The following BPTF variants were observed in gnomAD, a reference collection of about 807,000 sequenced individuals.
The protein encoded by BPTF is nucleosome-remodeling factor subunit BPTF.
BPTF carries 18 observed loss-of-function variants against 292.5 expected under a neutral mutation model. That is an observed-to-expected ratio of 0.06 (90% CI 0.04 to 0.09). The LOEUF is 0.09. BPTF is among the 10% of genes least tolerant of loss of function. The probability of loss-of-function intolerance (pLI) is 1.00; values close to 1 mark genes in which losing one functional copy is unlikely to be tolerated. For missense variants in BPTF, 2,726 were observed against 3,498.7 expected (o/e 0.78, Z 5.57); for synonymous variants, 1,225 against 1,251.9 (o/e 0.98, Z 0.45).
intron 2 of BPTF, among the ~76,000 whole-genome samples, chr17:67,859,690 C>A (rs1465088483): frequency 6.6e-6 from 1 of 152,122 alleles, no homozygotes; most frequent in African/African-American, 2.4e-5. Flanking sequence ...ATGCTTATAA[C>A]TTGGGGAGAA....
In BPTF at chr17:67,946,139, A is replaced by T; in HGVS notation, c.7431A>T (p.Gln2477His). The T allele has an allele frequency of 6.2e-7, 1 of 1,614,182 alleles. No homozygotes were observed. ...IKLQLPIQIQ[Q>H]SSAVQTHQIQ... The stretch of plus-strand genomic sequence containing the variant: ...TCCAGTTACCTATCCAAATTCAGCA[A>T]AGCAGTGCTGTGCAGACTCACCAGA... The change falls in exon 21 of 28, where the codon CAA (glutamine) becomes CAT (histidine). Residue 2477 changes from glutamine (Q) to histidine (H), a missense_variant. This residue lies in a region of BPTF where 570 missense variants were observed against 633.5 expected (regional missense o/e 0.90). Coordinates refer to ENST00000306378, the MANE Select transcript of BPTF (RefSeq NM_182641.4).
At chr17:67,946,463 G>A in intron 21 of BPTF, 138 bp downstream of exon 21, 2 of 1,309,380 alleles carry the variant, frequency 1.5e-6, no homozygotes, top group Non-Finnish European at 2.0e-6. Context: ...ACACTGAATT[G>A]ACCAAAAAAA....
intron 18 of BPTF, among the ~76,000 whole-genome samples, chr17:67,934,701 G>A (rs992421719): frequency 8.7e-5 from 13 of 150,206 alleles, no homozygotes; most frequent in Admixed American, 4.6e-4. Flanking sequence ...GTGAAACCCC[G>A]CCTGTACTAA....
chr17:67,912,241 A>G lies in BPTF; in HGVS notation c.4357A>G (p.Lys1453Glu), dbSNP rs2062704261. ...TAAAATAATCCCTGAGAATGATATT[A>G]AATCATTGACTGTTAAAGAATCTGC... ...INKIIPENDI[K>E]SLTVKESAIR... The change falls in exon 11 of 28, where the codon AAA becomes GAA. Residue 1453 changes from lysine (K) to glutamate (E), a missense_variant. By Grantham distance (56) the Lys-to-Glu change is moderately conservative (BLOSUM62 1). Transcript: ENST00000306378. 1 of 1,611,130 alleles carries G rather than the reference A, an allele frequency of 6.2e-7. No individual in the cohort carries two copies. The highest frequency in any genetic ancestry group is 8.5e-7 in the Non-Finnish European group (1 of 1,178,682).
intron 24 of BPTF, among the ~76,000 whole-genome samples, chr17:67,961,664 T>C (rs189500724): frequency 2.0e-5 from 3 of 151,768 alleles, no homozygotes; most frequent in Non-Finnish European, 4.4e-5. Flanking sequence ...CTGGGCAACA[T>C]AGAGAGACCC....
intron 4 of BPTF, among the ~76,000 whole-genome samples, chr17:67,889,127 A>G (rs1384497374): frequency 2.0e-5 from 3 of 152,148 alleles, no homozygotes; most frequent in African/African-American, 7.2e-5. Flanking sequence ...AGGCTGATGT[A>G]GATCTGTAGC....
rs943898022 is a variant in BPTF at position 67,921,075 on chromosome 17, A to G, written c.5557+932A>G. 7.9e-5 allele frequency among the ~76,000 whole-genome samples: 12 copies of G among 151,568 alleles called. No individual in the cohort carries two copies. The East Asian group carries it at 1.9e-3, about 25-fold the overall frequency. On this transcript the variant is annotated intron_variant, in intron 13 of 27. Transcript: ENST00000306378. ...TACAAAAATTACAAAAATATTGGTAATGTGCATGCCTGTAATCCCAGCTAC... is the reference window on the plus strand; with the variant it reads ...TACAAAAATTACAAAAATATTGGTAGTGTGCATGCCTGTAATCCCAGCTAC...
chr17:67,975,664 C>T (rs2069321151), intron 26 of BPTF, 108 bp from the exon 27 acceptor site: 5 of 961,292 alleles, frequency 5.2e-6, no homozygotes, highest in African/African-American at 5.1e-5. Context: ...CAGCCTGGCT[C>T]CAGGACTGCT....
Position 67,923,471 on chromosome 17 carries a change from C to CTTTT in BPTF, c.5708+507_5708+510dup, listed in dbSNP as rs58462646. Among the ~76,000 whole-genome samples the CTTTT allele has an allele frequency of 8.6e-4, 58 of 67,516 alleles. 9 individuals are homozygous for CTTTT. The highest frequency in any genetic ancestry group is 1.5e-3 in the African/African-American group (25 of 17,028). 44.3% of individuals were successfully genotyped at this position (67,516 alleles called of 152,430 possible). ...GTTTAGTAAGGTCCTCTCTCTCTGTCTTTTTTTTTTTTTTTTTTTTTTTTT... is the reference window on the plus strand; with the variant it reads ...GTTTAGTAAGGTCCTCTCTCTCTGTCTTTTTTTTTTTTTTTTTTTTTTTTTTTTT... On this transcript the variant is annotated intron_variant, in intron 14 of 27. Coordinates refer to ENST00000306378, the MANE Select transcript of BPTF (RefSeq NM_182641.4).
chr17:67,927,227 C>T (rs994195571), intron 15 of BPTF, among the ~76,000 whole-genome samples: 4 of 152,156 alleles, frequency 2.6e-5, no homozygotes, highest in Non-Finnish European at 4.4e-5. Flanking sequence ...TCTCCGTTTC[C>T]TCATCTTATA....
intron 20 of BPTF, 62 bp from the exon 21 acceptor site, chr17:67,945,347 C>T: frequency 1.3e-6 from 2 of 1,544,082 alleles, no homozygotes; most frequent in South Asian, 2.5e-5. Context: ...CCTTCAGATT[C>T]TTCTTTAACC....
chr17:67,858,416 C>G (rs1291398700), intron 2 of BPTF, among the ~76,000 whole-genome samples: 2 of 152,098 alleles, frequency 1.3e-5, no homozygotes, highest in Non-Finnish European at 2.9e-5. Context: ...TAACTGTAAC[C>G]ACATTTTTAA....
intron 1 of BPTF, among the ~76,000 whole-genome samples, chr17:67,848,616 A>AT (rs1428727332): frequency 6.6e-6 from 1 of 152,228 alleles, no homozygotes; most frequent in Non-Finnish European, 1.5e-5. Flanking sequence ...TGAGAAATTA[A>AT]TTAACAGATT....
chr17:67,837,195 C>T (rs757482601), intron 1 of BPTF, among the ~76,000 whole-genome samples: 2 of 152,104 alleles, frequency 1.3e-5, no homozygotes. Context: ...AAAACTAGTC[C>T]TATTGAGAAT....
intron 17 of BPTF, among the ~76,000 whole-genome samples, chr17:67,931,040 G>A (rs2064341209): frequency 6.6e-6 from 1 of 151,924 alleles, no homozygotes; most frequent in Admixed American, 6.5e-5. Context: ...GCCAAGGGGG[G>A]CGGATCACAA....
chr17:67,944,411 A>G (rs781833781), intron 20 of BPTF, 39 bp downstream of exon 20: 30 of 1,598,908 alleles, frequency 1.9e-5, no homozygotes, highest in Admixed American at 5.0e-5. Flanking sequence ...GGATGTTACT[A>G]CTACACGTGG....
chr17:67,890,554 G>C (rs948208263), intron 4 of BPTF, among the ~76,000 whole-genome samples: 2 of 152,206 alleles, frequency 1.3e-5, no homozygotes, highest in African/African-American at 4.8e-5. Context: ...ACTGTGGCCA[G>C]CTAGTGGTGT....
chr17:67,881,192 G>A (rs1327210676), intron 4 of BPTF, among the ~76,000 whole-genome samples: 2 of 152,068 alleles, frequency 1.3e-5, no homozygotes, highest in African/African-American at 4.8e-5. Flanking sequence ...GAAACATTTT[G>A]TGTGGCTCAG....
At chr17:67,933,049 T>C (rs1434302372) in intron 18 of BPTF, among the ~76,000 whole-genome samples, 1 of 151,866 alleles carries the variant, frequency 6.6e-6, no homozygotes, top group African/African-American at 2.4e-5. Flanking sequence ...GGTCAGGAGT[T>C]TGAGACCATC....
Sources: gnomAD v4.1 joint callset for allele counts (sites outside exome capture counted in the v4.1 genomes callset) on GRCh38, gnomAD v4.1.1 for gene constraint, gnomAD v4.1.1 regional missense constraint, MANE v1.5 for transcripts, NCBI Gene and HGNC (gene_info 2026-07-23, HGNC 2026-07-21) for gene names.